Variants in SREK1IP1 observed in about 807,000 individuals in gnomAD.
SREK1IP1 encodes SREK1 interacting protein 1.
SREK1IP1 carries 12 observed loss-of-function variants against 22.8 expected under a neutral mutation model. The ratio of observed to expected loss-of-function variants is 0.53; its 90% CI spans 0.34 to 0.85. The LOEUF (loss-of-function observed/expected upper bound fraction) is 0.85, where lower values mean the gene tolerates loss of function less well. SREK1IP1 is among the 40% of genes least tolerant of loss of function. The probability of loss-of-function intolerance (pLI) is 0.02; values close to 1 mark genes in which losing one functional copy is unlikely to be tolerated. For missense variants in SREK1IP1, 147 were observed against 171.8 expected, an observed-to-expected ratio of 0.86 and a Z score of 0.81; for synonymous variants, 53 against 52.7, an observed-to-expected ratio of 1.01 and a Z score of -0.02.
chr5:64,739,838 T>C (rs1335975449), intron 3 of SREK1IP1, among the ~76,000 whole-genome samples: 1 of 151,808 alleles, frequency 6.6e-6, no homozygotes, highest in Non-Finnish European at 1.5e-5. Context: ...TTTCAGCTTG[T>C]TCTAGCACCT....
At chr5:64,745,446 C>T (rs932962821) in intron 2 of SREK1IP1, among the ~76,000 whole-genome samples, 2 of 151,968 alleles carry the variant, frequency 1.3e-5, no homozygotes, top group Admixed American at 6.6e-5. Flanking sequence ...CAAAAATTAA[C>T]GGCATGGTGG....
intron 4 of SREK1IP1, among the ~76,000 whole-genome samples, chr5:64,727,393 A>C (rs1256633655): frequency 6.6e-6 from 1 of 150,560 alleles, no homozygotes; most frequent in Non-Finnish European, 1.5e-5. Context: ...GTGGCCGAAG[A>C]CTGGAAGGAA....
intron 2 of SREK1IP1, among the ~76,000 whole-genome samples, chr5:64,750,238 G>A (rs1742717964): frequency 1.3e-5 from 2 of 152,054 alleles, no homozygotes; most frequent in African/African-American, 4.8e-5. Flanking sequence ...AACTCTGACT[G>A]TGTCTTTCAT....
chr5:64,746,091 T>C (rs537265699), intron 2 of SREK1IP1, among the ~76,000 whole-genome samples: 11 of 152,334 alleles, frequency 7.2e-5, no homozygotes, highest in African/African-American at 2.6e-4. Flanking sequence ...GAACTGAGTT[T>C]TAGCAAGAGT....
chr5:64,725,106 G>A (rs1481121218), intron 4 of SREK1IP1, among the ~76,000 whole-genome samples: 1 of 152,110 alleles, frequency 6.6e-6, no homozygotes, highest in Admixed American at 6.5e-5. Flanking sequence ...TAGACGGAGA[G>A]TGATACAGAT....
At chr5:64,754,221 G>C in intron 2 of SREK1IP1, 94 bp downstream of exon 2, 1 of 1,170,986 alleles carries the variant, frequency 8.5e-7, no homozygotes, top group Non-Finnish European at 1.3e-6. Context: ...TATGCAACTG[G>C]GCCCCTGAAA....
In SREK1IP1 at chr5:64,726,505, G is replaced by A. The variant is rs528362176; in HGVS notation, c.278+1602C>T. On this transcript the variant is annotated intron_variant, in intron 4 of 4. Coordinates refer to ENST00000513458, the MANE Select transcript of SREK1IP1 (RefSeq NM_173829.4). ...GCAGGAGAATGGAGTGAACCCGGGA[G>A]GCGGAGCTTGAAGTGAGCTGAGACT... 4.0e-5 allele frequency among the ~76,000 whole-genome samples: 6 copies of A among 151,558 alleles called. No individual in the cohort carries two copies. The South Asian group carries it at 6.3e-4, about 16-fold the overall frequency.
chr5:64,744,468 A>T (rs1475037824), intron 2 of SREK1IP1, among the ~76,000 whole-genome samples: 1 of 152,120 alleles, frequency 6.6e-6, no homozygotes, highest in Non-Finnish European at 1.5e-5. Context: ...AGGTGGCAAG[A>T]ATAGAGGTTG....
chr5:64,724,723 T>TA (rs1381724228), intron 4 of SREK1IP1, 150 bp from the exon 5 acceptor site: 39 of 612,820 alleles, frequency 6.4e-5, no homozygotes, highest in Non-Finnish European at 1.0e-4. Flanking sequence ...TGCATTCCCT[T>TA]AAAACGATGA....
chr5:64,736,789 G>A (rs1742469164), intron 3 of SREK1IP1, among the ~76,000 whole-genome samples: 1 of 150,670 alleles, frequency 6.6e-6, no homozygotes, highest in Non-Finnish European at 1.5e-5. Flanking sequence ...ATATTCTCTT[G>A]ACCAAATGAC....
rs1200074663 is a variant in SREK1IP1, at chr5:64,724,460, T to C, written c.392A>G (p.His131Arg). ...KKSKSKKGKH[H>R]KKEKKKRKKE... ...TTTTCTCTTCTTTTTTTCCTTTTTG[T>C]GATGTTTCCCTTTTTTTGATTTACT... The change falls in exon 5 of 5, where the codon CAC (histidine) becomes CGC (arginine). Residue 131 changes from histidine to arginine, a missense_variant. His to Arg is a conservative substitution (Grantham distance 29, BLOSUM62 0). Transcript: ENST00000513458. 2 of 1,591,440 alleles carry C rather than the reference T, an allele frequency of 1.3e-6. No individual in the cohort carries two copies. Among genetic ancestry groups the C allele is most frequent in the South Asian group, 1.2e-5 (1 of 85,186 alleles).
chr5:64,723,901 C>T lies in SREK1IP1; in HGVS notation c.*483G>A, dbSNP rs1018409345. On this transcript the variant is annotated 3_prime_UTR_variant, in exon 5 of 5. Coordinates refer to ENST00000513458, the MANE Select transcript of SREK1IP1 (RefSeq NM_173829.4). ...AGAGATTTAAAAAACTGAAGAATTTCACTATCTTTAAAAGATATTATATTT... is the reference window on the plus strand; with the variant it reads ...AGAGATTTAAAAAACTGAAGAATTTTACTATCTTTAAAAGATATTATATTT... The T allele has an allele frequency of 6.6e-6, 1 of 152,576 alleles. No homozygotes were observed. Among genetic ancestry groups the T allele is most frequent in the African/African-American group, 2.4e-5 (1 of 41,414 alleles). 9.5% of individuals were successfully genotyped at this position (152,576 alleles called of 1,614,324 possible). A position where few individuals can be genotyped will look rare whatever the true frequency, so the allele number is the denominator to read the frequency against.
At chr5:64,743,797 G>C (rs1176622162) in intron 2 of SREK1IP1, among the ~76,000 whole-genome samples, 1 of 152,066 alleles carries the variant, frequency 6.6e-6, no homozygotes, top group East Asian at 1.9e-4. Context: ...CACCAGTAGT[G>C]CTTTTGCCTC....
chr5:64,748,533 T>C (rs1224907532), intron 2 of SREK1IP1, among the ~76,000 whole-genome samples: 2 of 152,208 alleles, frequency 1.3e-5, no homozygotes, highest in African/African-American at 2.4e-5. Context: ...AAAAGGAGCA[T>C]GGCATAGTAT....
chr5:64,733,572 G>A (rs1205485860), intron 3 of SREK1IP1, among the ~76,000 whole-genome samples: 1 of 152,022 alleles, frequency 6.6e-6, no homozygotes, highest in African/African-American at 2.4e-5. Context: ...GACGTAAAAT[G>A]GTATAGCCAC....
rs1448453517 is a variant in SREK1IP1, at chr5:64,720,047, G to A, written c.*4337C>T. 1 of 152,186 alleles carries A rather than the reference G, an allele frequency of 6.6e-6. No homozygotes were observed. Among genetic ancestry groups the A allele is most frequent in the African/African-American group, 2.4e-5 (1 of 41,438 alleles). 9.4% of individuals were successfully genotyped at this position (152,186 alleles called of 1,614,324 possible). A position where few individuals can be genotyped will look rare whatever the true frequency, so the allele number is the denominator to read the frequency against. Reference sequence around the variant, plus strand: ...AACTGGTATGTTTCTCTGTAACTCTGAAGCAGTTGTGCTTCACAGGTTAAG... The same window carrying A: ...AACTGGTATGTTTCTCTGTAACTCTAAAGCAGTTGTGCTTCACAGGTTAAG... On this transcript the variant is annotated 3_prime_UTR_variant, in exon 5 of 5. Coordinates refer to ENST00000513458, the MANE Select transcript of SREK1IP1 (RefSeq NM_173829.4).
intron 4 of SREK1IP1, among the ~76,000 whole-genome samples, chr5:64,725,861 C>CTTT (rs547845420): frequency 1.8e-4 from 20 of 112,030 alleles, no homozygotes; most frequent in South Asian, 2.9e-4. Flanking sequence ...TTGTTTGTTT[C>CTTT]TTTTTTTTTT....
rs185091744 is a variant in SREK1IP1 at position 64,721,816 on chromosome 5, A to C, written c.*2568T>G. ...ACCTTTACTATTATAGAATGTTATA[A>C]TAATTTCTAAAGTGAATATTGCTTG... is the stretch of plus-strand genomic sequence containing the variant. On this transcript the variant is annotated 3_prime_UTR_variant, in exon 5 of 5. Coordinates refer to ENST00000513458, the MANE Select transcript of SREK1IP1 (RefSeq NM_173829.4). 6.6e-6 allele frequency: 1 copy of C among 152,286 alleles called. No individual in the cohort carries two copies. The highest frequency in any genetic ancestry group is 1.9e-4 in the East Asian group (1 of 5,194). 9.4% of individuals were successfully genotyped at this position (152,286 alleles called of 1,614,324 possible).
At chr5:64,762,192 T>C (rs540540620) in intron 1 of SREK1IP1, among the ~76,000 whole-genome samples, 10 of 152,312 alleles carry the variant, frequency 6.6e-5, no homozygotes, top group Admixed American at 3.3e-4. Context: ...GACATTTTCA[T>C]TACATTAAAA....
Sources: gnomAD v4.1 joint callset for allele counts (sites outside exome capture counted in the v4.1 genomes callset) on GRCh38, gnomAD v4.1.1 for gene constraint, MANE v1.5 for transcripts, NCBI Gene and HGNC (gene_info 2026-07-23, HGNC 2026-07-21) for gene names.